NCAM1: variants seen among roughly 807,000 people sequenced by gnomAD.
The protein encoded by NCAM1 is neural cell adhesion molecule 1, also known as antigen recognized by monoclonal antibody 5.1H11.
A neutral mutation model predicts 109.8 loss-of-function variants in NCAM1; 14 were observed. The ratio of observed to expected loss-of-function variants is 0.13; its 90% CI spans 0.08 to 0.20. The LOEUF (loss-of-function observed/expected upper bound fraction) is 0.20. Ranked by LOEUF, NCAM1 falls within the 10% of genes least tolerant of loss-of-function variation. The pLI, the probability that NCAM1 is intolerant of heterozygous loss-of-function variation, is 1.00. For missense variants in NCAM1, 774 were observed against 1,109.9 expected (o/e 0.70, Z 4.30); for synonymous variants, 418 against 442.9 (o/e 0.94, Z 0.70).
intron 1 of NCAM1, among the ~76,000 whole-genome samples, chr11:113,090,415 G>A (rs1939287872): frequency 6.6e-6 from 1 of 152,162 alleles, no homozygotes; most frequent in Non-Finnish European, 1.5e-5. Context: ...GAACTACATA[G>A]CGCATTATTT....
chr11:113,242,919 C>G, intron 14 of NCAM1: 1 of 1,610,746 alleles, frequency 6.2e-7, no homozygotes, highest in Non-Finnish European at 8.5e-7. Flanking sequence ...TAGATTACAG[C>G]GCTGCCTGTT....
intron 1 of NCAM1, among the ~76,000 whole-genome samples, chr11:113,081,377 G>A (rs920115787): frequency 3.9e-5 from 6 of 152,046 alleles, no homozygotes; most frequent in Non-Finnish European, 7.4e-5. Context: ...TCCTGGAGTT[G>A]GGCATGAACA....
At chr11:113,204,070 C>T (rs995064836) in intron 2 of NCAM1, among the ~76,000 whole-genome samples, 1 of 152,060 alleles carries the variant, frequency 6.6e-6, no homozygotes, top group Non-Finnish European at 1.5e-5. Flanking sequence ...GAGTTCTTTC[C>T]AAATATTGTA....
chr11:113,211,346 G>C (rs1555113635), intron 7 of NCAM1, among the ~76,000 whole-genome samples: 1 of 152,164 alleles, frequency 6.6e-6, no homozygotes, highest in East Asian at 1.9e-4. Flanking sequence ...CCTCAAGAAG[G>C]AATGTCCATC....
intron 17 of NCAM1, chr11:113,263,411 T>G: frequency 1.0e-6 from 1 of 989,096 alleles, no homozygotes; most frequent in Non-Finnish European, 1.2e-6. Flanking sequence ...AATTAAGCAT[T>G]TAAGTGCCCA....
At chr11:112,973,341 A>G (rs1950930901) in intron 1 of NCAM1, among the ~76,000 whole-genome samples, 1 of 152,100 alleles carries the variant, frequency 6.6e-6, no homozygotes, top group African/African-American at 2.4e-5. Flanking sequence ...GACTTACAGT[A>G]CTCCATAAAG....
chr11:113,034,658 G>A (rs1952812878), intron 1 of NCAM1, among the ~76,000 whole-genome samples: 1 of 152,120 alleles, frequency 6.6e-6, no homozygotes, highest in Non-Finnish European at 1.5e-5. Flanking sequence ...CATGGTGTAG[G>A]ATCGTACAGA....
intron 1 of NCAM1, among the ~76,000 whole-genome samples, chr11:113,096,136 G>A (rs1939585900): frequency 6.6e-6 from 1 of 152,140 alleles, no homozygotes; most frequent in Admixed American, 6.5e-5. Context: ...AGCAAAGGAT[G>A]GCCTGGCTTG....
intron 1 of NCAM1, among the ~76,000 whole-genome samples, chr11:113,090,899 G>T (rs1243781922): frequency 2.6e-5 from 4 of 152,202 alleles, no homozygotes; most frequent in African/African-American, 9.7e-5. Flanking sequence ...GGCAGTAAAA[G>T]GTATGGGAAA....
intron 1 of NCAM1, among the ~76,000 whole-genome samples, chr11:113,021,468 G>T (rs1952382582): frequency 6.6e-6 from 1 of 152,194 alleles, no homozygotes; most frequent in Non-Finnish European, 1.5e-5. Context: ...TCATATAGTA[G>T]TTGGTATAGG....
intron 1 of NCAM1, among the ~76,000 whole-genome samples, chr11:113,086,082 A>G (rs1555088247): frequency 6.6e-6 from 1 of 152,260 alleles, no homozygotes; most frequent in Non-Finnish European, 1.5e-5. Context: ...TAACACCCAG[A>G]TTCCATACAA....
chr11:113,159,778 C>T lies in NCAM1; in HGVS notation c.53-42601C>T, dbSNP rs1006930219. ...CGTGCAGGTTAGTTACATATGTATA[C>T]GTGTGCCATGTTGGTGTGCTGCACC... is the stretch of plus-strand genomic sequence containing the variant. On this transcript the variant is annotated intron_variant, in intron 1 of 19. Coordinates refer to ENST00000316851, the MANE Select transcript of NCAM1 (RefSeq NM_181351.5). 6.6e-5 allele frequency among the ~76,000 whole-genome samples: 10 copies of T among 151,550 alleles called. No homozygotes were observed. In the East Asian group the frequency reaches 1.9e-3, roughly 30 times the overall value.
intron 1 of NCAM1, among the ~76,000 whole-genome samples, chr11:113,082,226 C>T (rs531246073): frequency 2.0e-5 from 3 of 152,094 alleles, no homozygotes; most frequent in Admixed American, 6.5e-5. Flanking sequence ...TTGTTGGAAG[C>T]GAAAACAGAC....
At chr11:112,967,332 T>C (rs1950753197) in intron 1 of NCAM1, among the ~76,000 whole-genome samples, 1 of 152,234 alleles carries the variant, frequency 6.6e-6, no homozygotes, top group African/African-American at 2.4e-5. Flanking sequence ...ATATGTTTAT[T>C]GAGTGCCAGC....
intron 8 of NCAM1, among the ~76,000 whole-genome samples, chr11:113,220,501 A>G (rs1283716395): frequency 6.6e-6 from 1 of 152,080 alleles, no homozygotes; most frequent in Non-Finnish European, 1.5e-5. Flanking sequence ...AATGCATGCA[A>G]AGAGTTGTAA....
chr11:113,109,208 C>T lies in NCAM1; in HGVS notation c.53-93171C>T, dbSNP rs571453055. Among the ~76,000 whole-genome samples the T allele has an allele frequency of 3.2e-3, 477 of 151,392 alleles. 3 individuals carry two copies. The highest frequency in any genetic ancestry group is 4.7e-3 in the Non-Finnish European group (321 of 67,818). On this transcript the variant is annotated intron_variant, in intron 1 of 19. Transcript: ENST00000316851. Reference sequence around the variant, plus strand: ...ACTAAAAATACAAAAATTAACCGGGCGTGGTGGCATGCACCTGTAGTCCCA... The same window carrying T: ...ACTAAAAATACAAAAATTAACCGGGTGTGGTGGCATGCACCTGTAGTCCCA...
At chr11:113,061,379 A>G (rs1937631365) in intron 1 of NCAM1, among the ~76,000 whole-genome samples, 1 of 152,194 alleles carries the variant, frequency 6.6e-6, no homozygotes, top group Non-Finnish European at 1.5e-5. Context: ...ATTTTAATTG[A>G]ACAATTTCTT....
intron 1 of NCAM1, among the ~76,000 whole-genome samples, chr11:113,018,193 C>A (rs1555075610): frequency 1.3e-5 from 2 of 150,040 alleles, no homozygotes; most frequent in Admixed American, 6.7e-5. Context: ...AAAAAAAAAA[C>A]ACACACATTA....
intron 1 of NCAM1, among the ~76,000 whole-genome samples, chr11:113,009,312 G>GTTTTTTTGTTGTTTTTT (rs1555073910): frequency 0.01 from 799 of 79,572 alleles, 50 homozygotes; most frequent in East Asian, 0.032. Flanking sequence ...GTTTTTTCGG[G>GTTTTTTTGTTGTTTTTT]TTTTTTTTTT....
Sources: allele counts gnomAD v4.1 joint callset (sites outside exome capture counted in the v4.1 genomes callset), GRCh38; gene constraint gnomAD v4.1.1; transcripts MANE v1.5; gene names NCBI Gene and HGNC (gene_info 2026-07-23, HGNC 2026-07-21).